The following HACL2 variants were observed in gnomAD, a reference collection of about 807,000 sequenced individuals.
The protein encoded by HACL2 is 2-hydroxyacyl-CoA lyase 2.
the HACL2 span, chr19:15,125,412 TCTCTTTCCACAA>T: frequency 4.0e-6 from 1 of 251,204 alleles, no homozygotes; most frequent in Non-Finnish European, 7.7e-6. Flanking sequence ...AAGCCCCGCC[TCTCTTTCCACAA>T]CCGGACCCCA....
the HACL2 span, chr19:15,123,348 C>A: frequency 1.2e-6 from 2 of 1,609,588 alleles, no homozygotes; most frequent in East Asian, 2.2e-5. This position sits in a 1 kb window ranked among gnomAD's most constrained non-coding sequence, Gnocchi z 5.1. Context: ...TCCAACCAGT[C>A]CCCAGCCCTC....
the HACL2 span, chr19:15,122,551 G>A: frequency 1.3e-4 from 91 of 720,294 alleles, 1 homozygote; most frequent in South Asian, 1.5e-3. The surrounding 1 kb of genome is among the most constrained non-coding windows in gnomAD (Gnocchi z 4.0). Flanking sequence ...CTTTGCACAT[G>A]CTGTTCCTTC....
the HACL2 span, chr19:15,123,239 C>T: frequency 3.1e-6 from 5 of 1,613,810 alleles, no homozygotes; most frequent in Non-Finnish European, 4.2e-6. This position sits in a 1 kb window ranked among gnomAD's most constrained non-coding sequence, Gnocchi z 5.1. Context: ...CCACGCCCAC[C>T]GTCCCTGGAA....
At chr19:15,123,653 G>T in the HACL2 span, 1 of 1,378,648 alleles carries the variant, frequency 7.3e-7, no homozygotes, top group Non-Finnish European at 1.0e-6. This position sits in a 1 kb window ranked among gnomAD's most constrained non-coding sequence, Gnocchi z 5.1. Context: ...CAATCCCCCT[G>T]CCCCAGGTAA....
the HACL2 span, among the ~76,000 whole-genome samples, chr19:15,119,828 G>A: frequency 6.6e-6 from 1 of 152,114 alleles, no homozygotes; most frequent in Non-Finnish European, 1.5e-5. Flanking sequence ...TGGGATTGCT[G>A]CTGTGAGCCA....
the HACL2 span, chr19:15,124,979 G>A: frequency 6.2e-7 from 1 of 1,606,126 alleles, no homozygotes. Flanking sequence ...CCAGCAAGGC[G>A]GCCACCAGCG....
the HACL2 span, chr19:15,116,648 G>C: frequency 2.5e-5 from 18 of 708,016 alleles, no homozygotes; most frequent in South Asian, 3.7e-5. Context: ...CAGGCCAGGG[G>C]TGCTCCTAGA....
chr19:15,119,534 A>C, the HACL2 span: 73 of 1,594,814 alleles, frequency 4.6e-5, no homozygotes, highest in South Asian at 8.0e-4. Context: ...AGAGGTGGGG[A>C]TCAAAGGGCT....
chr19:15,115,741 A>G, the HACL2 span: 5 of 1,570,016 alleles, frequency 3.2e-6, no homozygotes, highest in Non-Finnish European at 4.4e-6. Context: ...GGACAGAGAC[A>G]GGGATAGGGC....
the HACL2 span, chr19:15,115,273 G>A: frequency 1.2e-3 from 1,986 of 1,614,146 alleles, 23 homozygotes; most frequent in African/African-American, 0.017. Flanking sequence ...TGGAGCCATC[G>A]CGGAAGTCCG....
chr19:15,123,458 C>T, the HACL2 span: 1 of 1,614,112 alleles, frequency 6.2e-7, no homozygotes, highest in African/African-American at 1.3e-5. The surrounding 1 kb of genome is among the most constrained non-coding windows in gnomAD (Gnocchi z 5.1). Context: ...CAGTTTCTCA[C>T]AGGCCACCAG....
At chr19:15,125,328 C>T in the HACL2 span, 2 of 495,386 alleles carry the variant, frequency 4.0e-6, no homozygotes, top group African/African-American at 2.0e-5. Flanking sequence ...CCAAACTAGC[C>T]ACCACAAGTC....
At chr19:15,124,413 C>T in the HACL2 span, 8 of 154,518 alleles carry the variant, frequency 5.2e-5, no homozygotes, top group Non-Finnish European at 1.1e-4. Flanking sequence ...AAACATGTCA[C>T]CTAGGGCAAA....
the HACL2 span, chr19:15,118,129 C>T: frequency 1.5e-6 from 2 of 1,312,064 alleles, no homozygotes; most frequent in East Asian, 2.4e-5. Context: ...AGTCTCCCTG[C>T]ACCTGTGCCA....
the HACL2 span, chr19:15,123,369 C>G: frequency 6.2e-7 from 1 of 1,612,638 alleles, no homozygotes; most frequent in Non-Finnish European, 8.5e-7. This position sits in a 1 kb window ranked among gnomAD's most constrained non-coding sequence, Gnocchi z 5.1. Context: ...TCTGCAATGC[C>G]CTCACCGGAC....
the HACL2 span, chr19:15,116,471 G>A: frequency 6.2e-7 from 1 of 1,613,878 alleles, no homozygotes; most frequent in South Asian, 1.1e-5. Context: ...TGGGGCCCAG[G>A]TCTGGCCCTG....
chr19:15,115,783 C>T, the HACL2 span: 1 of 1,581,248 alleles, frequency 6.3e-7, no homozygotes, highest in Non-Finnish European at 8.7e-7. Context: ...CTCCCCACCT[C>T]AGCCCACCCC....
the HACL2 span, chr19:15,122,856 C>G: frequency 6.2e-7 from 1 of 1,612,850 alleles, no homozygotes; most frequent in Non-Finnish European, 8.5e-7. The surrounding 1 kb of genome is among the most constrained non-coding windows in gnomAD (Gnocchi z 4.0). Flanking sequence ...AGCCCCTCGG[C>G]CCCAGCACTG....
chr19:15,123,872 C>T, the HACL2 span: 4 of 459,618 alleles, frequency 8.7e-6, no homozygotes, highest in African/African-American at 5.8e-5. The surrounding 1 kb of genome is among the most constrained non-coding windows in gnomAD (Gnocchi z 5.1). Flanking sequence ...TGTTACACTG[C>T]CTGTCTCCAG....
Sources: allele counts gnomAD v4.1 joint callset (sites outside exome capture counted in the v4.1 genomes callset), GRCh38; gene constraint gnomAD v4.1.1; non-coding constraint Gnocchi (gnomAD v3.1); transcripts MANE v1.5; gene names NCBI Gene and HGNC (gene_info 2026-07-23, HGNC 2026-07-21).